CSMD1: variants seen among roughly 807,000 people sequenced by gnomAD.
The protein encoded by CSMD1 is CUB and sushi domain-containing protein 1.
Under a neutral mutation model 417.5 loss-of-function variants are expected in CSMD1, and 213 were observed. That is an observed-to-expected ratio of 0.51 (90% CI 0.46 to 0.57). CSMD1 has a LOEUF of 0.57. CSMD1 is among the 20% of genes least tolerant of loss of function. The probability of loss-of-function intolerance (pLI) is 0.00; values close to 1 mark genes in which losing one functional copy is unlikely to be tolerated. For synonymous variants in CSMD1, 2,862 were observed against 1,736.8 expected (o/e 1.65, Z -16.11); for missense variants, 6,923 against 4,529.7 (o/e 1.53, Z -15.17).
intron 3 of CSMD1, among the ~76,000 whole-genome samples, chr8:4,175,204 G>C (rs1318939952): frequency 6.6e-6 from 1 of 152,022 alleles, no homozygotes; most frequent in Non-Finnish European, 1.5e-5. Flanking sequence ...GGGGAAAATT[G>C]AGCTCAAGTC....
Position 2,948,290 on chromosome 8 carries a change from T to A in CSMD1, c.10402+1009A>T, listed in dbSNP as rs533162591. 3.4e-4 allele frequency among the ~76,000 whole-genome samples: 51 copies of A among 152,086 alleles called. No homozygotes were observed. The South Asian group carries it at 5.8e-3, about 17-fold the overall frequency. The stretch of plus-strand genomic sequence containing the variant: ...GTAACAACCTTGGGAACTTCTATAC[T>A]GAGATTTAAGATGAAGAAATAGGCT... On this transcript the variant is annotated intron_variant, in intron 68 of 69. Transcript: ENST00000635120.
chr8:4,977,054 T>C (rs932479242), intron 1 of CSMD1, among the ~76,000 whole-genome samples: 2 of 152,204 alleles, frequency 1.3e-5, no homozygotes, highest in African/African-American at 2.4e-5. Context: ...CTCATTTTTA[T>C]ACAGCTTTTA....
At chr8:4,607,614 AG>A (rs571934467) in intron 2 of CSMD1, among the ~76,000 whole-genome samples, 118 of 152,162 alleles carry the variant, frequency 7.8e-4, no homozygotes, top group Non-Finnish European at 1.3e-3. Context: ...ACATCATGAG[AG>A]TTCTGGCGCC....
chr8:3,027,245 C>T (rs1247858237), intron 51 of CSMD1, among the ~76,000 whole-genome samples: 1 of 152,026 alleles, frequency 6.6e-6, no homozygotes, highest in Non-Finnish European at 1.5e-5. Flanking sequence ...CAATATACTC[C>T]ATGTCAGCTT....
intron 7 of CSMD1, among the ~76,000 whole-genome samples, chr8:3,627,154 G>A (rs541311454): frequency 6.6e-6 from 1 of 152,018 alleles, no homozygotes; most frequent in Non-Finnish European, 1.5e-5. Flanking sequence ...AATTCTCTTA[G>A]AATATGTGCA....
chr8:3,746,883 AG>A (rs1797088417), intron 6 of CSMD1, among the ~76,000 whole-genome samples: 1 of 152,218 alleles, frequency 6.6e-6, no homozygotes. Flanking sequence ...TCACATGGCC[AG>A]CCCAAGAGGA....
At chr8:3,781,346 C>T (rs753029204) in intron 5 of CSMD1, among the ~76,000 whole-genome samples, 7 of 152,156 alleles carry the variant, frequency 4.6e-5, no homozygotes, top group Non-Finnish European at 5.9e-5. Context: ...TCATTGAACA[C>T]GGAGTCTAGG....
chr8:4,243,970 G>A (rs1700106), intron 3 of CSMD1, among the ~76,000 whole-genome samples: 65,613 of 151,992 alleles, frequency 0.43, 14,682 homozygotes, highest in South Asian at 0.67. Context: ...AGGTGGGAAC[G>A]GGTTACAGTG....
intron 14 of CSMD1, among the ~76,000 whole-genome samples, chr8:3,407,397 A>G (rs977182463): frequency 6.6e-6 from 1 of 151,110 alleles, no homozygotes; most frequent in Non-Finnish European, 1.5e-5. Flanking sequence ...CGATGGATGG[A>G]TGGAAGGATG....
At chr8:4,158,392 C>T (rs1376584259) in intron 3 of CSMD1, among the ~76,000 whole-genome samples, 8 of 151,852 alleles carry the variant, frequency 5.3e-5, no homozygotes, top group Admixed American at 5.3e-4. Context: ...GCCACTAGTG[C>T]GGTCATCACT....
At chr8:4,852,680 CA>C (rs935776457) in intron 1 of CSMD1, among the ~76,000 whole-genome samples, 7 of 151,952 alleles carry the variant, frequency 4.6e-5, no homozygotes, top group African/African-American at 7.3e-5. Flanking sequence ...TTGGAGGACT[CA>C]AAAGACGACA....
Position 3,052,536 on chromosome 8 carries a change from G to C in CSMD1, c.7586C>G (p.Ser2529Cys), listed in dbSNP as rs1187231961. The change falls in exon 50 of 70, where the codon TCC becomes TGC. Residue 2529 changes from serine to cysteine, a missense_variant. Ser to Cys is a moderately radical substitution (Grantham distance 112). Transcript: ENST00000635120. Reference sequence around the variant, plus strand: ...ACACACGGCTGTTGCTTGCTGGCTGGATTCAAGCTTGAAGCCCTCATGACA... The same window carrying C: ...ACACACGGCTGTTGCTTGCTGGCTGCATTCAAGCTTGAAGCCCTCATGACA... Reference protein sequence around the residue: ...YECHEGFKLESSQQATAVCQE... With the variant: ...YECHEGFKLECSQQATAVCQE... 6.2e-7 allele frequency: 1 copy of C among 1,606,940 alleles called. No individual in the cohort carries two copies. Among genetic ancestry groups the C allele is most frequent in the Admixed American group, 1.7e-5 (1 of 59,020 alleles).
intron 1 of CSMD1, among the ~76,000 whole-genome samples, chr8:4,652,136 G>C (rs1803936959): frequency 6.6e-6 from 1 of 152,180 alleles, no homozygotes; most frequent in South Asian, 2.1e-4. Context: ...AGGAGAGGCA[G>C]AGGAAGCAGC....
At chr8:3,904,794 G>A (rs1272680412) in intron 5 of CSMD1, among the ~76,000 whole-genome samples, 1 of 151,744 alleles carries the variant, frequency 6.6e-6, no homozygotes, top group African/African-American at 2.4e-5. Flanking sequence ...GCATCACCAT[G>A]CCCAGGTAAT....
intron 3 of CSMD1, among the ~76,000 whole-genome samples, chr8:4,201,396 G>A (rs938947658): frequency 6.6e-6 from 1 of 151,872 alleles, no homozygotes; most frequent in Non-Finnish European, 1.5e-5. Flanking sequence ...AAATTAGCCG[G>A]GGGTGGCGCT....
intron 18 of CSMD1, among the ~76,000 whole-genome samples, chr8:3,377,011 T>C (rs923238826): frequency 2.0e-5 from 3 of 152,316 alleles, no homozygotes; most frequent in South Asian, 2.1e-4. Flanking sequence ...GATTTAGTAA[T>C]AGCTCTTTCT....
chr8:4,428,751 G>C (rs6558879), intron 2 of CSMD1, among the ~76,000 whole-genome samples: 3,638 of 152,172 alleles, frequency 0.024, 119 homozygotes, highest in African/African-American at 0.081. Flanking sequence ...AAGGAGTCTA[G>C]CTTTGTCGCC....
chr8:4,236,154 G>C (rs1272365363), intron 3 of CSMD1, among the ~76,000 whole-genome samples: 1 of 150,074 alleles, frequency 6.7e-6, no homozygotes, highest in Non-Finnish European at 1.5e-5. Context: ...TATCAGTAAG[G>C]TCTTCGATCA....
chr8:3,921,645 C>T (rs564896097), intron 5 of CSMD1, among the ~76,000 whole-genome samples: 1 of 151,972 alleles, frequency 6.6e-6, no homozygotes, highest in Non-Finnish European at 1.5e-5. Flanking sequence ...CTTCCTTCCC[C>T]CATTAGTTGT....
Sources: allele counts gnomAD v4.1 joint callset (sites outside exome capture counted in the v4.1 genomes callset), GRCh38; gene constraint gnomAD v4.1.1; transcripts MANE v1.5; gene names NCBI Gene and HGNC (gene_info 2026-07-23, HGNC 2026-07-21).